The following BLK variants were observed in gnomAD, a reference collection of about 807,000 sequenced individuals.
BLK encodes the protein BLK proto-oncogene, Src family tyrosine kinase, also known as tyrosine-protein kinase Blk.
In BLK, 64 loss-of-function variants were observed where a neutral mutation model predicts 61.8. The ratio of observed to expected loss-of-function variants is 1.03; its 90% confidence interval spans 0.85 to 1.27. The LOEUF is 1.27. Among genes scored for constraint, BLK ranks in the 50% most tolerant of loss-of-function variants. The pLI, the probability that BLK is intolerant of heterozygous loss-of-function variation, is 0.00. For synonymous variants in BLK, 351 were observed against 272.0 expected, an observed-to-expected ratio of 1.29 and a Z score of -2.86; for missense variants, 853 against 660.5, an observed-to-expected ratio of 1.29 and a Z score of -3.19.
intron 10 of BLK, chr8:11,561,039 C>T: frequency 3.1e-6 from 2 of 649,016 alleles, no homozygotes; most frequent in Non-Finnish European, 5.7e-6. Flanking sequence ...GACCCTTGGA[C>T]ACAGCTGTGT....
intron 1 of BLK, among the ~76,000 whole-genome samples, chr8:11,540,376 T>C (rs1800321976): frequency 6.6e-6 from 1 of 152,218 alleles, no homozygotes. Flanking sequence ...TTTATTCTGC[T>C]CTGATGATTG....
chr8:11,551,501 C>T (rs918000541), intron 6 of BLK, among the ~76,000 whole-genome samples: 1 of 152,206 alleles, frequency 6.6e-6, no homozygotes, highest in Non-Finnish European at 1.5e-5. Flanking sequence ...CCACATATAG[C>T]CACATTCTCA....
intron 1 of BLK, among the ~76,000 whole-genome samples, chr8:11,514,417 C>A (rs940898857): frequency 2.0e-5 from 3 of 152,204 alleles, no homozygotes; most frequent in Admixed American, 6.5e-5. Flanking sequence ...GCAAGAGCCC[C>A]GCAATGGCCT....
intron 1 of BLK, among the ~76,000 whole-genome samples, chr8:11,515,034 T>A (rs1799168046): frequency 1.3e-5 from 2 of 152,140 alleles, no homozygotes. Flanking sequence ...GACAAGCTGC[T>A]GCTCTGAGAT....
chr8:11,496,501 C>T (rs762412615), intron 1 of BLK, among the ~76,000 whole-genome samples: 1 of 152,220 alleles, frequency 6.6e-6, no homozygotes, highest in East Asian at 1.9e-4. Flanking sequence ...CTTTGGCCTC[C>T]CACAGTGCTG....
chr8:11,550,111 C>A, intron 5 of BLK, 48 bp from the exon 6 acceptor site: 1 of 1,534,978 alleles, frequency 6.5e-7, no homozygotes, highest in Non-Finnish European at 9.0e-7. Flanking sequence ...GGGAATACTC[C>A]GAGGAGCAGG....
In BLK at chr8:11,543,281, C is replaced by A. The variant is rs751166006; in HGVS notation, c.57C>A (p.Asp19Glu). The A allele has an allele frequency of 1.2e-6, 2 of 1,614,042 alleles. No individual in the cohort carries two copies. Among genetic ancestry groups the A allele is most frequent in the Non-Finnish European group, 1.7e-6 (2 of 1,180,024 alleles). Reference protein sequence around the residue: ...PDKEKPIKEKDKGQWSPLKVS... With the variant: ...PDKEKPIKEKEKGQWSPLKVS... ...AGGAAAAGCCGATCAAAGAGAAGGA[C>A]AAGGGCCAATGGAGCCCCCTGAAGG... is the stretch of plus-strand genomic sequence containing the variant. The change falls in exon 2 of 13, where the codon GAC (aspartate) becomes GAA (glutamate). Residue 19 changes from aspartate (D) to glutamate (E), a missense_variant. By Grantham distance (45) the Asp-to-Glu change is conservative. Coordinates refer to ENST00000259089, the MANE Select transcript of BLK (RefSeq NM_001715.3).
intron 1 of BLK, among the ~76,000 whole-genome samples, chr8:11,535,260 A>G (rs7012639): frequency 2.5e-5 from 3 of 120,404 alleles, no homozygotes; most frequent in African/African-American, 9.6e-5. Flanking sequence ...AAAGAAAGAA[A>G]GAAGAAAGAA....
chr8:11,528,200 C>G (rs1445914708), intron 1 of BLK, among the ~76,000 whole-genome samples: 1 of 152,044 alleles, frequency 6.6e-6, no homozygotes, highest in Non-Finnish European at 1.5e-5. Context: ...CCATGCCTGG[C>G]TAATTTTTGT....
intron 1 of BLK, among the ~76,000 whole-genome samples, chr8:11,518,519 G>A (rs1178001787): frequency 2.0e-5 from 3 of 151,946 alleles, no homozygotes; most frequent in Admixed American, 1.3e-4. Flanking sequence ...GCTGTTGCTG[G>A]CATCTCAGCA....
At chr8:11,529,400 A>T (rs112674935) in intron 1 of BLK, among the ~76,000 whole-genome samples, 2,336 of 152,152 alleles carry the variant, frequency 0.015, 59 homozygotes, top group African/African-American at 0.053. Flanking sequence ...AATCACAGGG[A>T]GTCAAAGCTG....
intron 1 of BLK, among the ~76,000 whole-genome samples, chr8:11,529,536 G>A (rs1481311851): frequency 6.6e-6 from 1 of 152,120 alleles, no homozygotes; most frequent in Non-Finnish European, 1.5e-5. Flanking sequence ...GCTGATCTTA[G>A]GAGCAGTTTG....
At chr8:11,515,579 C>A (rs1378059535) in intron 1 of BLK, among the ~76,000 whole-genome samples, 1 of 152,148 alleles carries the variant, frequency 6.6e-6, no homozygotes, top group Non-Finnish European at 1.5e-5. Context: ...TGGATGCCTG[C>A]CTCTATTTCC....
Position 11,526,781 on chromosome 8 carries a change from AGT to A in BLK, c.-1-16442_-1-16441del, listed in dbSNP as rs753088519. ...TTATATAATTTTACTGTGTTTCATCAGTAGGTTAGTACTCAAAACTTTTTCAG... is the reference window on the plus strand; with the variant it reads ...TTATATAATTTTACTGTGTTTCATCAAGGTTAGTACTCAAAACTTTTTCAG... On this transcript the variant is annotated intron_variant, in intron 1 of 12. Coordinates refer to ENST00000259089, the MANE Select transcript of BLK (RefSeq NM_001715.3). Among the ~76,000 whole-genome samples the A allele has an allele frequency of 9.7e-3, 1,485 of 152,334 alleles. 11 individuals are homozygous for A. Among genetic ancestry groups the A allele is most frequent in the Middle Eastern group, 0.044 (13 of 294 alleles).
intron 1 of BLK, among the ~76,000 whole-genome samples, chr8:11,510,812 A>AATAC (rs1439621655): frequency 2.8e-5 from 4 of 141,958 alleles, no homozygotes; most frequent in Admixed American, 6.9e-5. Flanking sequence ...TAAATAAATA[A>AATAC]ATAAATACAT....
intron 1 of BLK, among the ~76,000 whole-genome samples, chr8:11,528,055 G>A (rs1799737448): frequency 6.6e-6 from 1 of 151,946 alleles, no homozygotes; most frequent in Non-Finnish European, 1.5e-5. Flanking sequence ...CTTTTTCTTT[G>A]AGACAGAGTC....
At chr8:11,504,869 CA>C (rs1399202891) in intron 1 of BLK, among the ~76,000 whole-genome samples, 30 of 152,132 alleles carry the variant, frequency 2.0e-4, no homozygotes, top group Non-Finnish European at 1.3e-4. Context: ...CAAGAAACAC[CA>C]AAATGAGGAC....
At chr8:11,508,595 C>T (rs977842966) in intron 1 of BLK, among the ~76,000 whole-genome samples, 1 of 152,268 alleles carries the variant, frequency 6.6e-6, no homozygotes, top group African/African-American at 2.4e-5. Context: ...GAAGGTACTT[C>T]ATGTCAGTCC....
chr8:11,511,687 G>C (rs1222761268), intron 1 of BLK, among the ~76,000 whole-genome samples: 3 of 152,116 alleles, frequency 2.0e-5, no homozygotes, highest in African/African-American at 7.2e-5. Context: ...TAAAGGGGAT[G>C]GACTTCCTGA....
Sources: allele counts gnomAD v4.1 joint callset (sites outside exome capture counted in the v4.1 genomes callset), GRCh38; gene constraint gnomAD v4.1.1; transcripts MANE v1.5; gene names NCBI Gene and HGNC (gene_info 2026-07-23, HGNC 2026-07-21).